The following ZNF207 variants were observed in gnomAD, a reference collection of about 807,000 sequenced individuals.
ZNF207 encodes zinc finger protein 207.
A neutral mutation model predicts 60.2 loss-of-function variants in ZNF207; 24 were observed. That is an observed-to-expected ratio of 0.40 (90% CI 0.29 to 0.56). ZNF207 has a LOEUF of 0.56. ZNF207 is among the 20% of genes least tolerant of loss of function. The pLI, the probability that ZNF207 is intolerant of heterozygous loss-of-function variation, is 0.49. For missense variants in ZNF207, 452 were observed against 636.6 expected (o/e 0.71, Z 3.12); for synonymous variants, 236 against 194.7 (o/e 1.21, Z -1.77).
At position 32,375,248 on chromosome 17, in the gene ZNF207, A is replaced by G. The variant is rs758719403; in HGVS notation, c.*5489A>G. 1.3e-5 allele frequency: 2 copies of G among 152,224 alleles called. No homozygotes were observed. Among genetic ancestry groups the G allele is most frequent in the African/African-American group, 2.4e-5 (1 of 41,464 alleles). 9.4% of individuals were successfully genotyped at this position (152,224 alleles called of 1,614,324 possible). A position where few individuals can be genotyped will look rare whatever the true frequency, so the allele number is the denominator to read the frequency against. On this transcript the variant is annotated 3_prime_UTR_variant, in exon 12 of 12. Transcript: ENST00000394670. Reference sequence around the variant, plus strand: ...ATATTTAAAGAATTTTGTTGCTTCCATGACAAAATATCCCATTGGACTATT... The same window carrying G: ...ATATTTAAAGAATTTTGTTGCTTCCGTGACAAAATATCCCATTGGACTATT...
At chr17:32,354,337 T>C in intron 2 of ZNF207, among the ~76,000 whole-genome samples, 1 of 151,758 alleles carries the variant, frequency 6.6e-6, no homozygotes, top group East Asian at 1.9e-4. Flanking sequence ...CTCTGTCAGT[T>C]TTTTTTTTGT....
At position 32,373,041 on chromosome 17, in the gene ZNF207, A is replaced by G. The variant is rs1905538833; in HGVS notation, c.*3282A>G. ...ACTGTTTAACAAGACCACAGCAGGT[A>G]AGGATTAATTTTTGAGTGGCTGCTG... On this transcript the variant is annotated 3_prime_UTR_variant, in exon 12 of 12. Coordinates refer to ENST00000394670, the MANE Select transcript of ZNF207 (RefSeq NM_001098507.2). 5.8e-6 allele frequency: 1 copy of G among 173,704 alleles called. No homozygotes were observed. Among genetic ancestry groups the G allele is most frequent in the Non-Finnish European group, 1.2e-5 (1 of 82,510 alleles). The allele number at this position is 173,704 out of a possible 1,614,324, so 10.8% of individuals were successfully genotyped here.
intron 8 of ZNF207, 29 bp downstream of exon 8, chr17:32,365,516 A>C: frequency 1.2e-6 from 2 of 1,608,044 alleles, no homozygotes; most frequent in Non-Finnish European, 1.7e-6. Flanking sequence ...AAAGGAGTGC[A>C]CTTATATTTA....
rs1463620673 is a variant in ZNF207 at position 32,375,326 on chromosome 17, TCTATTA to T, written c.*5569_*5574del. ...AGTCCTTAATTGGAGATCTGTTTTC[TCTATTA>T]CCTACCATCCTGCAATATGCTGAAA... On this transcript the variant is annotated 3_prime_UTR_variant, in exon 12 of 12. Coordinates refer to ENST00000394670, the MANE Select transcript of ZNF207 (RefSeq NM_001098507.2). The T allele has an allele frequency of 6.6e-6, 1 of 152,216 alleles. No homozygotes were observed. Among genetic ancestry groups the T allele is most frequent in the African/African-American group, 2.4e-5 (1 of 41,458 alleles). The allele number at this position is 152,216 out of a possible 1,614,324, so 9.4% of individuals were successfully genotyped here. A position where few individuals can be genotyped will look rare whatever the true frequency, so the allele number is the denominator to read the frequency against.
intron 2 of ZNF207, among the ~76,000 whole-genome samples, chr17:32,354,164 G>C (rs1904361806): frequency 6.6e-6 from 1 of 152,086 alleles, no homozygotes; most frequent in Non-Finnish European, 1.5e-5. Context: ...TATTTTTGTA[G>C]AGACAGGGTC....
chr17:32,381,522 G>GTA lies in ZNF207; in HGVS notation c.*11771_*11772dup, dbSNP rs1268279038. The GTA allele has an allele frequency of 1.3e-5, 2 of 152,330 alleles. No homozygotes were observed. Among genetic ancestry groups the GTA allele is most frequent in the Non-Finnish European group, 2.9e-5 (2 of 68,008 alleles). The allele number at this position is 152,330 out of a possible 1,614,324, so 9.4% of individuals were successfully genotyped here. ...AAAAATGAAATGGAAGACTACATTTGTATATATATCTGTATAATTTTTGTT... is the reference window on the plus strand; with the variant it reads ...AAAAATGAAATGGAAGACTACATTTGTATATATATATCTGTATAATTTTTGTT... On this transcript the variant is annotated 3_prime_UTR_variant, in exon 12 of 12. Transcript: ENST00000394670.
intron 9 of ZNF207, among the ~76,000 whole-genome samples, chr17:32,367,282 T>TATATGTATATATAA (rs1445385221): frequency 1.2e-5 from 1 of 82,862 alleles, no homozygotes. Flanking sequence ...TATATATATA[T>TATATGTATATATAA]ATAAAGAATA....
intron 10 of ZNF207, chr17:32,368,286 T>G (rs1480549386): frequency 2.3e-6 from 1 of 435,896 alleles, no homozygotes; most frequent in African/African-American, 2.0e-5. Context: ...CTCTTAAAAA[T>G]CATTTTAGTT....
Position 32,365,327 on chromosome 17 carries a change from C to A in ZNF207, c.671-3C>A, listed in dbSNP as rs776459939. 3.7e-6 allele frequency: 6 copies of A among 1,606,634 alleles called. No individual in the cohort carries two copies. In the African/African-American group the frequency reaches 8.0e-5, roughly 22 times the overall value. ...AATTTCCCCAAACATTTCTTCTCTG[C>A]AGGTATGCCCCCACCTGTTCCACGT... On this transcript the variant is annotated splice_region_variant and splice_polypyrimidine_tract_variant and intron_variant, in intron 7 of 11. Transcript: ENST00000394670.
At chr17:32,361,403 A>G in intron 5 of ZNF207, 65 bp from the exon 6 acceptor site, 2 of 1,445,236 alleles carry the variant, frequency 1.4e-6, no homozygotes, top group Non-Finnish European at 9.6e-7. Context: ...GAGGTATACA[A>G]TACACTTTCC....
intron 6 of ZNF207, among the ~76,000 whole-genome samples, chr17:32,362,154 GTGTA>G (rs1904924564): frequency 1.3e-5 from 2 of 151,394 alleles, no homozygotes; most frequent in East Asian, 3.9e-4. Flanking sequence ...GTGTGTGTGT[GTGTA>G]TATGTATGTA....
rs1204672846 is a variant in ZNF207, at chr17:32,374,080, A to G, written c.*4321A>G. ...TCTGGCTATTTTTTCAATATTTTTCAGTAGGGATGGGGTTTTGCCGTGTTG... is the reference window on the plus strand; with the variant it reads ...TCTGGCTATTTTTTCAATATTTTTCGGTAGGGATGGGGTTTTGCCGTGTTG... On this transcript the variant is annotated 3_prime_UTR_variant, in exon 12 of 12. Transcript: ENST00000394670. The G allele has an allele frequency of 6.7e-6, 1 of 150,262 alleles. No individual in the cohort carries two copies. Among genetic ancestry groups the G allele is most frequent in the Non-Finnish European group, 1.5e-5 (1 of 67,724 alleles). The allele number at this position is 150,262 out of a possible 1,614,324, so 9.3% of individuals were successfully genotyped here.
chr17:32,353,200 C>T (rs749139367), intron 2 of ZNF207, among the ~76,000 whole-genome samples: 1 of 152,038 alleles, frequency 6.6e-6, no homozygotes, highest in African/African-American at 2.4e-5. Flanking sequence ...ACAATAATTT[C>T]TAGGTTTTTA....
At chr17:32,365,054 A>G (rs1905098479) in intron 7 of ZNF207, among the ~76,000 whole-genome samples, 1 of 152,198 alleles carries the variant, frequency 6.6e-6, no homozygotes, top group Non-Finnish European at 1.5e-5. Flanking sequence ...ATATTGCAAG[A>G]AGTTTGCTAA....
chr17:32,358,815 A>G (rs1001024293), intron 3 of ZNF207, among the ~76,000 whole-genome samples, 174 bp downstream of exon 3: 1 of 150,644 alleles, frequency 6.6e-6, no homozygotes, highest in Non-Finnish European at 1.5e-5. Context: ...TTCTTTTTTG[A>G]GGTGGAGTCT....
At chr17:32,359,187 A>T (rs964473574) in intron 3 of ZNF207, among the ~76,000 whole-genome samples, 2 of 152,058 alleles carry the variant, frequency 1.3e-5, no homozygotes, top group African/African-American at 4.8e-5. Context: ...ATCTCGGCTT[A>T]CCACAACCTC....
chr17:32,360,849 C>CT, intron 4 of ZNF207, 43 bp from the exon 5 acceptor site: 6 of 1,612,908 alleles, frequency 3.7e-6, no homozygotes, highest in Middle Eastern at 3.3e-4. Flanking sequence ...CCCTCTAACT[C>CT]TTTAATATTT....
rs10525886 is a variant in ZNF207 at position 32,367,239 on chromosome 17, TTATATATATATATATA to T, written c.922-502_922-487del. The stretch of plus-strand genomic sequence containing the variant: ...CCAGCCATTGTTAATTTGGAGGGGA[TTATATATATATATATA>T]TATATATATATATATATATATATAT... On this transcript the variant is annotated intron_variant, in intron 9 of 11. Transcript: ENST00000394670. 2.6e-3 allele frequency among the ~76,000 whole-genome samples: 84 copies of T among 32,190 alleles called. 3 individuals carry two copies. Among genetic ancestry groups the T allele is most frequent in the East Asian group, 7.5e-3 (6 of 802 alleles). The allele number at this position is 32,190 out of a possible 152,430, so 21.1% of individuals were successfully genotyped here.
intron 3 of ZNF207, among the ~76,000 whole-genome samples, chr17:32,359,357 C>T (rs1418560427): frequency 3.9e-5 from 6 of 152,030 alleles, no homozygotes; most frequent in African/African-American, 9.7e-5. Flanking sequence ...GTGATCTGCC[C>T]GCCTCGGCCT....
Sources: allele counts gnomAD v4.1 joint callset (sites outside exome capture counted in the v4.1 genomes callset), GRCh38; gene constraint gnomAD v4.1.1; transcripts MANE v1.5; gene names NCBI Gene and HGNC (gene_info 2026-07-23, HGNC 2026-07-21).